FAM169A: variants seen among roughly 807,000 people sequenced by gnomAD.
FAM169A encodes the protein family with sequence similarity 169 member A.
FAM169A carries 24 observed loss-of-function variants against 75.7 expected under a neutral mutation model. The ratio of observed to expected loss-of-function variants is 0.32; its 90% CI spans 0.23 to 0.45. The LOEUF (loss-of-function observed/expected upper bound fraction) is 0.45. FAM169A is among the 20% of genes least tolerant of loss of function. The pLI is 1.00. For missense variants in FAM169A, 673 were observed against 784.0 expected, an observed-to-expected ratio of 0.86 and a Z score of 1.69; for synonymous variants, 271 against 271.0, an observed-to-expected ratio of 1.00 and a Z score of 0.00.
intron 6 of FAM169A, among the ~76,000 whole-genome samples, chr5:74,807,510 T>C (rs1298975336): frequency 2.0e-5 from 3 of 152,172 alleles, no homozygotes; most frequent in Non-Finnish European, 4.4e-5. Context: ...TGAATGAGTA[T>C]CACTTTTGTA....
chr5:74,823,101 T>C (rs1747844991), intron 5 of FAM169A, among the ~76,000 whole-genome samples: 1 of 152,218 alleles, frequency 6.6e-6, no homozygotes, highest in African/African-American at 2.4e-5. Context: ...AGTATGTCCC[T>C]AAAATATTTA....
chr5:74,830,045 T>C (rs1262543924), intron 5 of FAM169A, among the ~76,000 whole-genome samples: 1 of 152,206 alleles, frequency 6.6e-6, no homozygotes, highest in Non-Finnish European at 1.5e-5. Context: ...GGTAGCATTT[T>C]GAATGTTCTA....
rs753768291 is a variant in FAM169A at position 74,783,073 on chromosome 5, A to G, written c.1322T>C (p.Ile441Thr). ...ACTAGTGGAGTCTTCCTCTTCTGTTATAAGTGAGGTCTTAAGAGAATCGTC... is the reference window on the plus strand; with the variant it reads ...ACTAGTGGAGTCTTCCTCTTCTGTTGTAAGTGAGGTCTTAAGAGAATCGTC... ...IMDDSLKTSL[I>T]TEEEDSTSEV... Residue 441 changes from isoleucine to threonine, a missense_variant, in exon 12 of 13, where the codon ATA becomes ACA. This residue lies in a region of FAM169A where 510 missense variants were observed against 550.9 expected (regional missense o/e 0.93). Coordinates refer to ENST00000687041, the MANE Select transcript of FAM169A (RefSeq NM_001376049.1). The G allele has an allele frequency of 1.1e-5, 17 of 1,613,734 alleles. No individual in the cohort carries two copies. Among genetic ancestry groups the G allele is most frequent in the Admixed American group, 1.7e-5 (1 of 60,008 alleles).
intron 5 of FAM169A, among the ~76,000 whole-genome samples, chr5:74,824,770 C>A (rs1322992889): frequency 6.6e-6 from 1 of 151,690 alleles, no homozygotes; most frequent in Non-Finnish European, 1.5e-5. Flanking sequence ...CAAAAGCAAC[C>A]ATTTTGAAGT....
intron 1 of FAM169A, among the ~76,000 whole-genome samples, chr5:74,863,653 GAGCTAATAGAGA>G (rs1212928048): frequency 1.3e-5 from 2 of 152,140 alleles, no homozygotes; most frequent in Non-Finnish European, 2.9e-5. Flanking sequence ...ATTTAGGTAG[GAGCTAATAGAGA>G]AAAATATTCG....
intron 1 of FAM169A, among the ~76,000 whole-genome samples, chr5:74,863,470 G>C (rs1301500852): frequency 6.6e-6 from 1 of 152,098 alleles, no homozygotes; most frequent in Non-Finnish European, 1.5e-5. Flanking sequence ...TACAAGTTTT[G>C]TTTAACTTCC....
At chr5:74,800,486 GATAAT>G (rs1252693251) in intron 10 of FAM169A, among the ~76,000 whole-genome samples, 1 of 152,004 alleles carries the variant, frequency 6.6e-6, no homozygotes, top group Non-Finnish European at 1.5e-5. Flanking sequence ...ACTAATTTGG[GATAAT>G]ATAATCACTA....
At chr5:74,823,051 T>A (rs866244507) in intron 5 of FAM169A, among the ~76,000 whole-genome samples, 26 of 152,214 alleles carry the variant, frequency 1.7e-4, no homozygotes, top group African/African-American at 6.0e-4. Flanking sequence ...TTTAATTGAC[T>A]TCCCTGACTT....
chr5:74,801,674 T>C, intron 8 of FAM169A, 45 bp from the exon 9 acceptor site: 1 of 1,421,940 alleles, frequency 7.0e-7, no homozygotes, highest in Non-Finnish European at 9.9e-7. Flanking sequence ...GACTATTTTT[T>C]CTCCCTATGG....
chr5:74,847,648 A>C (rs1749224490), intron 1 of FAM169A, among the ~76,000 whole-genome samples: 1 of 152,242 alleles, frequency 6.6e-6, no homozygotes, highest in Admixed American at 6.5e-5. Context: ...TAATCTAAAA[A>C]TATCTACCAA....
chr5:74,825,646 C>T (rs943831418), intron 5 of FAM169A, among the ~76,000 whole-genome samples: 1 of 151,992 alleles, frequency 6.6e-6, no homozygotes. Context: ...TAGAAATTTC[C>T]TTCTTTCACT....
intron 11 of FAM169A, among the ~76,000 whole-genome samples, chr5:74,794,218 C>T (rs1267480010): frequency 6.8e-6 from 1 of 147,278 alleles, no homozygotes; most frequent in Non-Finnish European, 1.5e-5. Context: ...CACGGTGAAA[C>T]CCCATCTCTG....
chr5:74,854,935 T>A (rs973980109), intron 1 of FAM169A, among the ~76,000 whole-genome samples: 12 of 152,230 alleles, frequency 7.9e-5, no homozygotes, highest in African/African-American at 2.9e-4. Context: ...CAGAAATCTC[T>A]TTGATATACT....
chr5:74,812,402 C>T (rs980512432), intron 6 of FAM169A, among the ~76,000 whole-genome samples: 1 of 152,018 alleles, frequency 6.6e-6, no homozygotes, highest in African/African-American at 2.4e-5. Context: ...GCTAGAATTA[C>T]AGGCGTGAGC....
intron 4 of FAM169A, among the ~76,000 whole-genome samples, chr5:74,835,783 A>ATTGG (rs1748544408): frequency 2.0e-5 from 3 of 152,144 alleles, no homozygotes; most frequent in African/African-American, 7.2e-5. Flanking sequence ...ATAGCAGCCG[A>ATTGG]CTAGCAATAG....
chr5:74,830,007 G>C (rs1489414108), intron 5 of FAM169A, among the ~76,000 whole-genome samples: 1 of 151,992 alleles, frequency 6.6e-6, no homozygotes, highest in Non-Finnish European at 1.5e-5. Context: ...ATAAAATACA[G>C]ATCACTTAAT....
At chr5:74,852,709 T>C (rs958600686) in intron 1 of FAM169A, among the ~76,000 whole-genome samples, 3 of 149,006 alleles carry the variant, frequency 2.0e-5, no homozygotes, top group Non-Finnish European at 3.0e-5. Flanking sequence ...CGGCAAATGG[T>C]GGTGGAAGTA....
intron 12 of FAM169A, among the ~76,000 whole-genome samples, chr5:74,782,556 C>A (rs1364566260): frequency 6.6e-6 from 1 of 152,010 alleles, no homozygotes; most frequent in East Asian, 1.9e-4. Flanking sequence ...AAGTTTTTTC[C>A]CCCACTAACC....
At chr5:74,858,345 G>A (rs1749832484) in intron 1 of FAM169A, among the ~76,000 whole-genome samples, 1 of 152,044 alleles carries the variant, frequency 6.6e-6, no homozygotes, top group Non-Finnish European at 1.5e-5. Flanking sequence ...CCCAGATCAC[G>A]CCACTGCACT....
Sources: gnomAD v4.1 joint callset for allele counts (sites outside exome capture counted in the v4.1 genomes callset) on GRCh38, gnomAD v4.1.1 for gene constraint, gnomAD v4.1.1 regional missense constraint, MANE v1.5 for transcripts, NCBI Gene and HGNC (gene_info 2026-07-23, HGNC 2026-07-21) for gene names.